Variants in SCLT1 observed in about 807,000 individuals in gnomAD.
The protein encoded by SCLT1 is sodium channel and clathrin linker 1.
SCLT1 carries 78 observed loss-of-function variants against 112.8 expected under a neutral mutation model. That is an observed-to-expected ratio of 0.69 (90% CI 0.58 to 0.83). SCLT1 has a LOEUF of 0.83. Among genes scored for constraint, SCLT1 ranks in the 40% least tolerant of loss-of-function variants. SCLT1 has a pLI of 0.00. For synonymous variants in SCLT1, 257 were observed against 254.7 expected, an observed-to-expected ratio of 1.01 and a Z score of -0.09; for missense variants, 747 against 770.4, an observed-to-expected ratio of 0.97 and a Z score of 0.36.
Position 128,969,499 on chromosome 4 carries a change from G to C in SCLT1, c.777+879C>G, listed in dbSNP as rs572491948. Among the ~76,000 whole-genome samples the C allele has an allele frequency of 1.2e-3, 186 of 152,162 alleles. 3 individuals carry two copies. The highest frequency in any genetic ancestry group is 1.9e-3 in the Non-Finnish European group (131 of 68,006). On this transcript the variant is annotated intron_variant, in intron 10 of 20. Transcript: ENST00000281142. Reference sequence around the variant, plus strand: ...AGGCAGGAGGACGGCATGAACCCGGGAGGCAGAGCTGACAGTGAGCCGAGA... The same window carrying C: ...AGGCAGGAGGACGGCATGAACCCGGCAGGCAGAGCTGACAGTGAGCCGAGA...
At chr4:129,087,204 T>C (rs1752470057) in intron 1 of SCLT1, among the ~76,000 whole-genome samples, 1 of 151,782 alleles carries the variant, frequency 6.6e-6, no homozygotes, top group Admixed American at 6.6e-5. Context: ...GAAAGAACCC[T>C]AGGGAATGTG....
rs1006251628 is a variant in SCLT1, at chr4:128,884,424, T to C, written c.*53A>G. The C allele has an allele frequency of 3.6e-5, 37 of 1,037,268 alleles. No individual in the cohort carries two copies. The highest frequency in any genetic ancestry group is 5.5e-5 in the Non-Finnish European group (36 of 658,904). The allele number at this position is 1,037,268 out of a possible 1,614,324, so 64.3% of individuals were successfully genotyped here. ...AGGCTTTACCATTTCAATACACTTC[T>C]AGTCCAACTGCTTTCCCAACTCTAA... On this transcript the variant is annotated 3_prime_UTR_variant, in exon 21 of 21. Coordinates refer to ENST00000281142, the MANE Select transcript of SCLT1 (RefSeq NM_144643.4).
intron 20 of SCLT1, among the ~76,000 whole-genome samples, chr4:128,886,357 A>G (rs915275334): frequency 1.3e-5 from 2 of 152,200 alleles, no homozygotes; most frequent in Non-Finnish European, 2.9e-5. Flanking sequence ...GTGATGTGTC[A>G]GAGATGATAA....
At chr4:129,074,840 T>C (rs1173208231) in intron 2 of SCLT1, among the ~76,000 whole-genome samples, 1 of 152,134 alleles carries the variant, frequency 6.6e-6, no homozygotes, top group African/African-American at 2.4e-5. Flanking sequence ...TAACCAGAAC[T>C]ATAGGCATGC....
intron 12 of SCLT1, 23 bp from the exon 13 acceptor site, chr4:128,957,147 G>A (rs752491672): frequency 9.6e-6 from 13 of 1,347,808 alleles, no homozygotes; most frequent in South Asian, 1.3e-5. Flanking sequence ...ATCATTTCAT[G>A]TTATAGATAA....
chr4:129,013,013 G>A (rs1051253326), intron 5 of SCLT1, among the ~76,000 whole-genome samples: 16 of 151,804 alleles, frequency 1.1e-4, no homozygotes, highest in Non-Finnish European at 2.2e-4. Context: ...TTTTAGTTTT[G>A]GGGTACATGT....
rs1264695641 is a variant in SCLT1 at position 128,898,177 on chromosome 4, T to C, written c.1830-7040A>G. On this transcript the variant is annotated intron_variant, in intron 18 of 20. Transcript: ENST00000281142. ...TCAGCTCCATACCAAGCAGACCTAA[T>C]AGACATCTACACAACTCTCCACCCC... Among the ~76,000 whole-genome samples the C allele has an allele frequency of 2.6e-5, 4 of 151,416 alleles. No homozygotes were observed. The East Asian group carries it at 7.8e-4, about 30-fold the overall frequency.
At chr4:129,045,439 G>A (rs1748096522) in intron 2 of SCLT1, among the ~76,000 whole-genome samples, 1 of 152,088 alleles carries the variant, frequency 6.6e-6, no homozygotes, top group Non-Finnish European at 1.5e-5. Flanking sequence ...ATGGCATATG[G>A]AGAAACATTT....
At chr4:128,888,532 A>G in intron 20 of SCLT1, 147 bp downstream of exon 20, 5 of 514,288 alleles carry the variant, frequency 9.7e-6, no homozygotes, top group Non-Finnish European at 1.7e-5. Flanking sequence ...TTTGTTTCCA[A>G]TGTTTACTTT....
intron 14 of SCLT1, among the ~76,000 whole-genome samples, chr4:128,950,399 C>G (rs994601543): frequency 8.5e-5 from 13 of 152,070 alleles, no homozygotes; most frequent in African/African-American, 1.2e-4. Flanking sequence ...TAAAATGAGA[C>G]AGCAAAGTTT....
downstream of SCLT1, among the ~76,000 whole-genome samples, chr4:128,882,157 T>C (rs552934300): frequency 6.6e-6 from 1 of 152,224 alleles, no homozygotes; most frequent in Admixed American, 6.5e-5. Context: ...TACAGTCTCA[T>C]ACTTTTGTCA....
intron 3 of SCLT1, among the ~76,000 whole-genome samples, chr4:128,877,533 T>C (rs1732549483): frequency 6.6e-6 from 1 of 151,952 alleles, no homozygotes; most frequent in African/African-American, 2.4e-5. Context: ...TACAAAAAAT[T>C]AGCCAGGCGT....
chr4:129,018,141 A>G (rs1579716402), intron 5 of SCLT1, among the ~76,000 whole-genome samples: 3 of 152,376 alleles, frequency 2.0e-5, no homozygotes, highest in Non-Finnish European at 4.4e-5. Flanking sequence ...TTAGATTCTT[A>G]GCCACAAAAT....
chr4:129,087,178 T>C (rs891200619), intron 1 of SCLT1, among the ~76,000 whole-genome samples: 3 of 152,038 alleles, frequency 2.0e-5, no homozygotes, highest in East Asian at 1.9e-4. Flanking sequence ...GGACAAAGGA[T>C]AGAAGACTGC....
intron 18 of SCLT1, among the ~76,000 whole-genome samples, chr4:128,896,224 C>A (rs1733745667): frequency 6.6e-6 from 1 of 152,220 alleles, no homozygotes; most frequent in African/African-American, 2.4e-5. Context: ...GATCTGAGAA[C>A]AGACAGACTG....
At chr4:129,048,949 A>T (rs1748473063) in intron 2 of SCLT1, among the ~76,000 whole-genome samples, 1 of 152,034 alleles carries the variant, frequency 6.6e-6, no homozygotes, top group Admixed American at 6.5e-5. Flanking sequence ...CAAACCAGTT[A>T]GAATGGCAAT....
At chr4:129,029,022 A>T (rs1417734281) in intron 5 of SCLT1, among the ~76,000 whole-genome samples, 1 of 152,154 alleles carries the variant, frequency 6.6e-6, no homozygotes, top group Non-Finnish European at 1.5e-5. Flanking sequence ...AAAAGTCAGG[A>T]AACAACAGGT....
At chr4:128,932,617 G>T (rs992701746) in intron 18 of SCLT1, among the ~76,000 whole-genome samples, 6 of 151,954 alleles carry the variant, frequency 3.9e-5, no homozygotes, top group Non-Finnish European at 8.8e-5. Context: ...CCTACCCAGA[G>T]AAATTAGGCA....
intron 5 of SCLT1, among the ~76,000 whole-genome samples, chr4:129,021,617 A>C (rs533772343): frequency 1.6e-4 from 24 of 152,320 alleles, no homozygotes; most frequent in African/African-American, 5.5e-4. Context: ...CCACTTCTCT[A>C]GATTCCTCCT....
Sources: gnomAD v4.1 joint callset for allele counts (sites outside exome capture counted in the v4.1 genomes callset) on GRCh38, gnomAD v4.1.1 for gene constraint, MANE v1.5 for transcripts, NCBI Gene and HGNC (gene_info 2026-07-23, HGNC 2026-07-21) for gene names.